Variants in ALPI observed in about 807,000 individuals in gnomAD.
The protein encoded by ALPI is alkaline phosphatase, intestinal.
In ALPI, 50 loss-of-function variants were observed where a neutral mutation model predicts 51.5. The observed-to-expected ratio is 0.97, with a 90% CI of 0.77 to 1.23. The LOEUF (loss-of-function observed/expected upper bound fraction) is 1.23, where lower values mean the gene tolerates loss of function less well. Ranked by LOEUF, ALPI falls within the 50% of genes most tolerant of loss-of-function variation. ALPI has a pLI of 0.00. For missense variants in ALPI, 692 were observed against 722.4 expected, an observed-to-expected ratio of 0.96 and a Z score of 0.48; for synonymous variants, 322 against 308.2, an observed-to-expected ratio of 1.04 and a Z score of -0.47.
chr2:232,457,697 C>G lies in ALPI; in HGVS notation c.781C>G (p.Gln261Glu), dbSNP rs1690222971. 2 of 1,612,250 alleles carry G rather than the reference C, an allele frequency of 1.2e-6. No homozygotes were observed. The highest frequency in any genetic ancestry group is 1.1e-5 in the South Asian group (1 of 90,830). Residue 261 changes from glutamine (Q) to glutamate (E), a missense_variant and splice_region_variant, in exon 6 of 11, where the codon CAG becomes GAG. Transcript: ENST00000295463. This position sits in a 1 kb window ranked among gnomAD's most constrained non-coding sequence, Gnocchi z 4.7. ...NLVQEWLAKHQGAWYVWNRTE... is the reference protein window; with the variant it reads ...NLVQEWLAKHEGAWYVWNRTE... Reference sequence around the variant, plus strand: ...GGTGCAGGAATGGCTGGCAAAGCACCAGGTGATGGGGGCTGGTGGGTGTGG... The same window carrying G: ...GGTGCAGGAATGGCTGGCAAAGCACGAGGTGATGGGGGCTGGTGGGTGTGG...
In ALPI at chr2:232,458,281, G is replaced by A. The variant is rs369397009; in HGVS notation, c.1056G>A (p.Met352Ile). 9.9e-6 allele frequency: 16 copies of A among 1,614,062 alleles called. No individual in the cohort carries two copies. Among genetic ancestry groups the A allele is most frequent in the South Asian group, 4.4e-5 (4 of 91,084 alleles). ...ACCAGGCACTCACTGAGGCGGTCATGTTCGACGACGCCATTGAGAGGGCGG... is the reference window on the plus strand; with the variant it reads ...ACCAGGCACTCACTGAGGCGGTCATATTCGACGACGCCATTGAGAGGGCGG... Reference protein sequence around the residue: ...VAYQALTEAVMFDDAIERAGQ... With the variant: ...VAYQALTEAVIFDDAIERAGQ... The change falls in exon 9 of 11, where the codon ATG (methionine) becomes ATA (isoleucine). Residue 352 changes from methionine (M) to isoleucine (I), a missense_variant. Transcript: ENST00000295463.
chr2:232,456,891 G>A lies in ALPI; in HGVS notation c.301-8G>A, dbSNP rs199922420. On this transcript the variant is annotated splice_region_variant and splice_polypyrimidine_tract_variant and intron_variant, in intron 3 of 10. Coordinates refer to ENST00000295463, the MANE Select transcript of ALPI (RefSeq NM_001631.5). This position sits in a 1 kb window ranked among gnomAD's most constrained non-coding sequence, Gnocchi z 4.2. ...CCGAAGTAGAGCTCAGGGTGTCTCC[G>A]TTCGCAGACATACAATGTGGACAGA... 2.5e-5 allele frequency: 41 copies of A among 1,613,240 alleles called. No individual in the cohort carries two copies. Among genetic ancestry groups the A allele is most frequent in the East Asian group, 2.0e-4 (9 of 44,862 alleles).
Position 232,457,588 on chromosome 2 carries a change from G to A in ALPI, c.672G>A (p.Lys224=), listed in dbSNP as rs1690220713. The change falls in exon 6 of 11, where the codon AAG becomes AAA. Residue 224 remains lysine (K), a synonymous_variant. Coordinates refer to ENST00000295463, the MANE Select transcript of ALPI (RefSeq NM_001631.5). The surrounding 1 kb of genome is among the most constrained non-coding windows in gnomAD (Gnocchi z 4.7). The part of the protein sequence containing the change: ...DIDVILGGGR[K]YMFPMGTPDP... The stretch of plus-strand genomic sequence containing the variant: ...AGGTGATCCTTGGCGGAGGCCGCAA[G>A]TACATGTTTCCCATGGGGACCCCAG... 1.9e-6 allele frequency: 3 copies of A among 1,613,586 alleles called. No homozygotes were observed. The highest frequency in any genetic ancestry group is 2.5e-6 in the Non-Finnish European group (3 of 1,179,676).
In ALPI at chr2:232,457,634, G is replaced by T. The variant is rs748146535; in HGVS notation, c.718G>T (p.Ala240Ser). Reference protein sequence around the residue: ...GTPDPEYPADASQNGIRLDGK... With the variant: ...GTPDPEYPADSSQNGIRLDGK... ...CCCAGACCCTGAGTACCCAGCTGATGCCAGCCAGAATGGAATCAGGCTGGA... is the reference window on the plus strand; with the variant it reads ...CCCAGACCCTGAGTACCCAGCTGATTCCAGCCAGAATGGAATCAGGCTGGA... The change falls in exon 6 of 11, where the codon GCC becomes TCC. Residue 240 changes from alanine (A) to serine (S), a missense_variant. By Grantham distance (99) the Ala-to-Ser change is moderately conservative. Transcript: ENST00000295463. The surrounding 1 kb of genome is among the most constrained non-coding windows in gnomAD (Gnocchi z 4.7). 1 of 1,614,080 alleles carries T rather than the reference G, an allele frequency of 6.2e-7. No individual in the cohort carries two copies. The highest frequency in any genetic ancestry group is 8.5e-7 in the Non-Finnish European group (1 of 1,179,972).
chr2:232,456,239 C>T lies in ALPI; in HGVS notation c.40C>T (p.Leu14=). The change falls in exon 1 of 11, where the codon CTA becomes TTA. Residue 14 remains leucine (L), a synonymous_variant. Transcript: ENST00000295463. The surrounding 1 kb of genome is among the most constrained non-coding windows in gnomAD (Gnocchi z 4.2). ...PWVLLLLGLR[L]QLSLGVIPAE... is the part of the protein sequence containing the mutation. ...GGTGCTGCTGCTGCTGGGCCTGAGGCTACAGCTCTCCCTGGGCGTCATCCC... is the reference window on the plus strand; with the variant it reads ...GGTGCTGCTGCTGCTGGGCCTGAGGTTACAGCTCTCCCTGGGCGTCATCCC... 6.2e-7 allele frequency: 1 copy of T among 1,613,994 alleles called. No individual in the cohort carries two copies. The highest frequency in any genetic ancestry group is 8.5e-7 in the Non-Finnish European group (1 of 1,180,008).
At position 232,456,839 on chromosome 2, in the gene ALPI, T is replaced by TA; in HGVS notation, c.301-60_301-59insA. 6.2e-7 allele frequency: 1 copy of TA among 1,600,936 alleles called. No individual in the cohort carries two copies. ...AGGATCCCAGAGGACCAGAACCAGG[T>TA]CCTTGGTTGGGGTCTGGGTGTCCGC... On this transcript the variant is annotated intron_variant, in intron 3 of 10. Transcript: ENST00000295463. The surrounding 1 kb of genome is among the most constrained non-coding windows in gnomAD (Gnocchi z 4.2).
rs374242190 is a variant in ALPI at position 232,458,166 on chromosome 2, G to A, written c.991+34G>A. 2.2e-5 allele frequency: 36 copies of A among 1,613,512 alleles called. 1 individual carries two copies. Among genetic ancestry groups the A allele is most frequent in the Admixed American group, 1.8e-4 (11 of 59,984 alleles). On this transcript the variant is annotated intron_variant, in intron 8 of 10. Transcript: ENST00000295463. The stretch of plus-strand genomic sequence containing the variant: ...TGGCCCCTGGGGAGTGGAGGAAGGC[G>A]GGGCGCGGCAGGGCAGGTTCAAGCA...
At position 232,458,109 on chromosome 2, in the gene ALPI, G is replaced by T. The variant is rs374647501; in HGVS notation, c.968G>T (p.Arg323Leu). Residue 323 changes from arginine (R) to leucine (L), a missense_variant, in exon 8 of 11, where the codon CGC (arginine) becomes CTC (leucine). Coordinates refer to ENST00000295463, the MANE Select transcript of ALPI (RefSeq NM_001631.5). Reference protein sequence around the residue: ...AALRLLSRNPRGFYLFVEGGR... With the variant: ...AALRLLSRNPLGFYLFVEGGR... The stretch of plus-strand genomic sequence containing the variant: ...CTGCGCCTGCTGAGCAGGAACCCCC[G>T]CGGCTTCTACCTCTTTGTGGAGGGT... 5 of 1,613,998 alleles carry T rather than the reference G, an allele frequency of 3.1e-6. No individual in the cohort carries two copies. The African/African-American group carries it at 4.0e-5, about 13-fold the overall frequency.
In ALPI at chr2:232,460,062, A is replaced by ATGAG. The variant is rs1690283512; in HGVS notation, c.*923_*926dup. 6.6e-6 allele frequency: 1 copy of ATGAG among 152,320 alleles called. No individual in the cohort carries two copies. The highest frequency in any genetic ancestry group is 2.4e-5 in the African/African-American group (1 of 41,466). 9.4% of individuals were successfully genotyped at this position (152,320 alleles called of 1,614,324 possible). A position where few individuals can be genotyped will look rare whatever the true frequency, so the allele number is the denominator to read the frequency against. On this transcript the variant is annotated 3_prime_UTR_variant, in exon 11 of 11. Coordinates refer to ENST00000295463, the MANE Select transcript of ALPI (RefSeq NM_001631.5). Reference sequence around the variant, plus strand: ...AGTACTACTTCCTAGGAGAAAAATCATGAGTGAGTGTGGGCACAGTATCTG... The same window carrying ATGAG: ...AGTACTACTTCCTAGGAGAAAAATCATGAGTGAGTGAGTGTGGGCACAGTATCTG...
chr2:232,460,385 A>C lies in ALPI; in HGVS notation c.*1239A>C, dbSNP rs1372363997. Among the ~76,000 whole-genome samples, 1 of 149,724 alleles carries C rather than the reference A, an allele frequency of 6.7e-6. No individual in the cohort carries two copies. Among genetic ancestry groups the C allele is most frequent in the East Asian group, 2.0e-4 (1 of 5,050 alleles). ...TGTGACCTGCCCTGGTTGGGAAATA[A>C]GCACTCTGGCTGCTGCCAGGAGAAG... On this transcript the variant is annotated 3_prime_UTR_variant, in exon 11 of 11. Coordinates refer to ENST00000295463, the MANE Select transcript of ALPI (RefSeq NM_001631.5).
rs767755090 is a variant in ALPI at position 232,458,042 on chromosome 2, C to A, written c.901C>A (p.Pro301Thr). ...GDTKYEIHRD[P>T]TLDPSLMEMT... ...CACGAAATATGAGATCCACCGAGACCCCACACTGGACCCCTCCCTGATGGA... is the reference window on the plus strand; with the variant it reads ...CACGAAATATGAGATCCACCGAGACACCACACTGGACCCCTCCCTGATGGA... The change falls in exon 8 of 11, where the codon CCC becomes ACC. Residue 301 changes from proline to threonine, a missense_variant. Transcript: ENST00000295463. The A allele has an allele frequency of 3.7e-6, 6 of 1,609,020 alleles. No individual in the cohort carries two copies. In the South Asian group the frequency reaches 5.5e-5, roughly 15 times the overall value.
rs1042386089 is a variant in ALPI at position 232,457,169 on chromosome 2, GACCACCAC to G, written c.498_505del (p.Thr167GlyfsTer23). ...CCTCAGGAAAGTCAGTAGGAGTGGT[GACCACCAC>G]ACGGGTGCAGCACGCCTCGCCAGCC... On this transcript the variant is annotated frameshift_variant, in exon 5 of 11. Transcript: ENST00000295463. LOFTEE classifies it high-confidence loss of function. This position sits in a 1 kb window ranked among gnomAD's most constrained non-coding sequence, Gnocchi z 4.7. The G allele has an allele frequency of 2.5e-6, 4 of 1,613,368 alleles. No homozygotes were observed. In the African/African-American group the frequency reaches 5.3e-5, roughly 22 times the overall value.
In ALPI at chr2:232,456,378, C is replaced by G; in HGVS notation, c.97C>G (p.Arg33Gly). 6.2e-7 allele frequency: 1 copy of G among 1,614,012 alleles called. No individual in the cohort carries two copies. Among genetic ancestry groups the G allele is most frequent in the African/African-American group, 1.3e-5 (1 of 75,030 alleles). ...AEEENPAFWN[R>G]QAAEALDAAK... ...GGAGGAGAACCCGGCCTTCTGGAACCGCCAGGCAGCTGAGGCCCTGGATGC... is the reference window on the plus strand; with the variant it reads ...GGAGGAGAACCCGGCCTTCTGGAACGGCCAGGCAGCTGAGGCCCTGGATGC... The change falls in exon 2 of 11, where the codon CGC (arginine) becomes GGC (glycine). Residue 33 changes from arginine to glycine, a missense_variant. Coordinates refer to ENST00000295463, the MANE Select transcript of ALPI (RefSeq NM_001631.5). The surrounding 1 kb of genome is among the most constrained non-coding windows in gnomAD (Gnocchi z 4.2).
Position 232,457,692 on chromosome 2 carries a change from A to G in ALPI, c.776A>G (p.Lys259Arg), listed in dbSNP as rs1156770983. The G allele has an allele frequency of 1.9e-6, 3 of 1,612,390 alleles. No homozygotes were observed. Among genetic ancestry groups the G allele is most frequent in the Non-Finnish European group, 2.5e-6 (3 of 1,178,900 alleles). ...AACCTGGTGCAGGAATGGCTGGCAA[A>G]GCACCAGGTGATGGGGGCTGGTGGG... is the stretch of plus-strand genomic sequence containing the variant. Reference protein sequence around the residue: ...GKNLVQEWLAKHQGAWYVWNR... With the variant: ...GKNLVQEWLARHQGAWYVWNR... The change falls in exon 6 of 11, where the codon AAG becomes AGG. Residue 259 changes from lysine to arginine, a missense_variant. Transcript: ENST00000295463. This position sits in a 1 kb window ranked among gnomAD's most constrained non-coding sequence, Gnocchi z 4.7.
In ALPI at chr2:232,458,146, C is replaced by T; in HGVS notation, c.991+14C>T. 1 of 1,613,974 alleles carries T rather than the reference C, an allele frequency of 6.2e-7. No homozygotes were observed. The highest frequency in any genetic ancestry group is 1.1e-5 in the South Asian group (1 of 91,062). ...TCTTTGTGGAGGGTGCGTGGTGGCC[C>T]CTGGGGAGTGGAGGAAGGCGGGGCG... On this transcript the variant is annotated intron_variant, in intron 8 of 10. Coordinates refer to ENST00000295463, the MANE Select transcript of ALPI (RefSeq NM_001631.5).
rs1027231736 is a variant in ALPI at position 232,457,924 on chromosome 2, G to A, written c.856+57G>A. ...CAGACAACCTCAGAGGGTGCCATCC[G>A]AGCCTGTGTGCCCATTTGCCAGCAC... is the stretch of plus-strand genomic sequence containing the variant. On this transcript the variant is annotated intron_variant, in intron 7 of 10. Coordinates refer to ENST00000295463, the MANE Select transcript of ALPI (RefSeq NM_001631.5). The surrounding 1 kb of genome is among the most constrained non-coding windows in gnomAD (Gnocchi z 4.7). 41 of 1,611,768 alleles carry A rather than the reference G, an allele frequency of 2.5e-5. No homozygotes were observed. Among genetic ancestry groups the A allele is most frequent in the Non-Finnish European group, 3.2e-5 (38 of 1,178,756 alleles).
rs1187031181 is a variant in ALPI at position 232,460,039 on chromosome 2, T to A, written c.*893T>A. On this transcript the variant is annotated 3_prime_UTR_variant, in exon 11 of 11. Coordinates refer to ENST00000295463, the MANE Select transcript of ALPI (RefSeq NM_001631.5). ...AAGGTGTTAGACAATGTAATGCCAG[T>A]ACTACTTCCTAGGAGAAAAATCATG... 6.6e-6 allele frequency: 1 copy of A among 152,276 alleles called. No individual in the cohort carries two copies. Among genetic ancestry groups the A allele is most frequent in the Admixed American group, 6.5e-5 (1 of 15,290 alleles). The allele number at this position is 152,276 out of a possible 1,614,324, so 9.4% of individuals were successfully genotyped here. A position where few individuals can be genotyped will look rare whatever the true frequency, so the allele number is the denominator to read the frequency against.
rs10195208 is a variant in ALPI, at chr2:232,458,290, C to T, written c.1065C>T (p.Asp355=). The change falls in exon 9 of 11, where the codon GAC becomes GAT. Residue 355 remains aspartate (D), a synonymous_variant. Coordinates refer to ENST00000295463, the MANE Select transcript of ALPI (RefSeq NM_001631.5). ...QALTEAVMFD[D]AIERAGQLTS... is the part of the protein sequence containing the mutation. ...TCACTGAGGCGGTCATGTTCGACGACGCCATTGAGAGGGCGGGCCAGCTCA... is the reference window on the plus strand; with the variant it reads ...TCACTGAGGCGGTCATGTTCGACGATGCCATTGAGAGGGCGGGCCAGCTCA... 8.1e-3 allele frequency: 13,050 copies of T among 1,614,086 alleles called. 870 individuals are homozygous for T. The African/African-American group carries it at 0.15, about 18-fold the overall frequency.
In ALPI at chr2:232,458,332, G is replaced by A. The variant is rs1477485082; in HGVS notation, c.1107G>A (p.Thr369=). The change falls in exon 9 of 11, where the codon ACG becomes ACA. Residue 369 remains threonine, a synonymous_variant. Transcript: ENST00000295463. The part of the protein sequence containing the change: ...RAGQLTSEED[T]LTLVTADHSH... Reference sequence around the variant, plus strand: ...GCCAGCTCACCAGCGAGGAGGACACGCTGACCCTCGTCACCGCTGACCACT... The same window carrying A: ...GCCAGCTCACCAGCGAGGAGGACACACTGACCCTCGTCACCGCTGACCACT... The A allele has an allele frequency of 8.1e-6, 13 of 1,613,978 alleles. No individual in the cohort carries two copies. The highest frequency in any genetic ancestry group is 6.7e-5 in the African/African-American group (5 of 74,920).
Sources: gnomAD v4.1 joint callset for allele counts (sites outside exome capture counted in the v4.1 genomes callset) on GRCh38, gnomAD v4.1.1 for gene constraint, Gnocchi (gnomAD v3.1) non-coding constraint, MANE v1.5 for transcripts, NCBI Gene and HGNC (gene_info 2026-07-23, HGNC 2026-07-21) for gene names.